The following ALDH1A3 variants were observed in gnomAD, a reference collection of about 807,000 sequenced individuals.
ALDH1A3 encodes the protein retinaldehyde dehydrogenase 3.
Under a neutral mutation model 57.5 loss-of-function variants are expected in ALDH1A3, and 28 were observed. The observed-to-expected ratio is 0.49, with a 90% CI of 0.36 to 0.67. The LOEUF (loss-of-function observed/expected upper bound fraction) is 0.67, where lower values mean the gene tolerates loss of function less well. Among genes scored for constraint, ALDH1A3 ranks in the 30% least tolerant of loss-of-function variants. ALDH1A3 has a pLI of 0.00. For synonymous variants in ALDH1A3, 281 were observed against 264.8 expected, an observed-to-expected ratio of 1.06 and a Z score of -0.59; for missense variants, 507 against 669.4, an observed-to-expected ratio of 0.76 and a Z score of 2.68.
In ALDH1A3 at chr15:100,900,850, T is replaced by C. The variant is rs4646675; in HGVS notation, c.1068+91T>C. 0.63 allele frequency: 891,103 copies of C among 1,404,988 alleles called. 284,393 individuals are homozygous for C. The highest frequency in any genetic ancestry group is 0.74 in the East Asian group (30,203 of 40,808). The allele number at this position is 1,404,988 out of a possible 1,614,324, so 87.0% of individuals were successfully genotyped here. A position where few individuals can be genotyped will look rare whatever the true frequency, so the allele number is the denominator to read the frequency against. ...CAACCGCCTACAGGGTCCCTCTCCG[T>C]GAAAGGAATGCTGACCTGTCCTGCC... On this transcript the variant is annotated intron_variant, in intron 9 of 12. Coordinates refer to ENST00000329841, the MANE Select transcript of ALDH1A3 (RefSeq NM_000693.4).
At chr15:100,908,778 G>A (rs2041852189) in intron 12 of ALDH1A3, among the ~76,000 whole-genome samples, 1 of 152,192 alleles carries the variant, frequency 6.6e-6, no homozygotes, top group Admixed American at 6.5e-5. Context: ...CCTGGACGGG[G>A]ACACAGGCAG....
chr15:100,892,936 C>T lies in ALDH1A3; in HGVS notation c.476-9C>T. On this transcript the variant is annotated splice_polypyrimidine_tract_variant and intron_variant, in intron 4 of 12. Transcript: ENST00000329841. The stretch of plus-strand genomic sequence containing the variant: ...GTGTGTCCTTCCCCACCATGTAACC[C>T]TCTTCCAGATGACAACGTCGTGTGC... 2 of 1,613,838 alleles carry T rather than the reference C, an allele frequency of 1.2e-6. No homozygotes were observed. Among genetic ancestry groups the T allele is most frequent in the Non-Finnish European group, 1.7e-6 (2 of 1,179,818 alleles).
Position 100,889,840 on chromosome 15 carries a change from A to G in ALDH1A3, c.345+2128A>G, listed in dbSNP as rs1161321345. On this transcript the variant is annotated intron_variant, in intron 3 of 12. Coordinates refer to ENST00000329841, the MANE Select transcript of ALDH1A3 (RefSeq NM_000693.4). This position sits in a 1 kb window ranked among gnomAD's most constrained non-coding sequence, Gnocchi z 5.1. ...GAGAAATAAGATCCAGCTCTTTGCC[A>G]CAACATGAAAGGGACAAGAGAATTA... Among the ~76,000 whole-genome samples the G allele has an allele frequency of 6.6e-6, 1 of 152,220 alleles. No homozygotes were observed. Among genetic ancestry groups the G allele is most frequent in the Non-Finnish European group, 1.5e-5 (1 of 68,042 alleles).
chr15:100,903,359 G>A (rs979841193), intron 9 of ALDH1A3, among the ~76,000 whole-genome samples: 42 of 152,282 alleles, frequency 2.8e-4, no homozygotes, highest in African/African-American at 9.6e-4. Context: ...AACTGGAAGA[G>A]CTCTTTATAC....
rs71151987 is a variant in ALDH1A3 at position 100,907,844 on chromosome 15, CTTTTTTTTTTT to C, written c.1392-552_1392-542del. 7.3e-5 allele frequency among the ~76,000 whole-genome samples: 6 copies of C among 81,910 alleles called. 1 individual carries two copies. The highest frequency in any genetic ancestry group is 5.9e-4 in the South Asian group (1 of 1,690). The allele number at this position is 81,910 out of a possible 152,430, so 53.7% of individuals were successfully genotyped here. A position where few individuals can be genotyped will look rare whatever the true frequency, so the allele number is the denominator to read the frequency against. ...GATTTTTCTTTTTCTTTCTTTCTTT[CTTTTTTTTTTT>C]TTTTTTTTTTTGAGATGGAGTCTTG... On this transcript the variant is annotated intron_variant, in intron 11 of 12. Coordinates refer to ENST00000329841, the MANE Select transcript of ALDH1A3 (RefSeq NM_000693.4).
At position 100,908,432 on chromosome 15, in the gene ALDH1A3, T is replaced by C. The variant is rs1180711639; in HGVS notation, c.1416T>C (p.Tyr472=). Residue 472 remains tyrosine, a synonymous_variant, in exon 12 of 13, where the codon TAT becomes TAC. Transcript: ENST00000329841. The stretch of plus-strand genomic sequence containing the variant: ...GGATCAACTGCTACAACGCCCTCTA[T>C]GCACAGGCTCCATTTGGTGGCTTTA... The part of the protein sequence containing the change: ...TVWINCYNAL[Y]AQAPFGGFKM... 4.3e-6 allele frequency: 7 copies of C among 1,613,926 alleles called. No homozygotes were observed. Among genetic ancestry groups the C allele is most frequent in the African/African-American group, 1.3e-5 (1 of 74,932 alleles).
chr15:100,908,348 G>A (rs2041846737), intron 11 of ALDH1A3, 60 bp from the exon 12 acceptor site: 1 of 1,457,058 alleles, frequency 6.9e-7, no homozygotes, highest in African/African-American at 1.4e-5. Context: ...AGTGGCTGCA[G>A]TGCCAGGAGC....
Position 100,906,247 on chromosome 15 carries a change from C to G in ALDH1A3, c.1233+560C>G, listed in dbSNP as rs1246739648. On this transcript the variant is annotated intron_variant, in intron 10 of 12. Coordinates refer to ENST00000329841, the MANE Select transcript of ALDH1A3 (RefSeq NM_000693.4). The surrounding 1 kb of genome is among the most constrained non-coding windows in gnomAD (Gnocchi z 4.8). ...CTCCCATAAGAGTGTAAATCTTTCTCTTTCAACTCCACTGTTACACTAGAC... is the reference window on the plus strand; with the variant it reads ...CTCCCATAAGAGTGTAAATCTTTCTGTTTCAACTCCACTGTTACACTAGAC... Among the ~76,000 whole-genome samples, 1 of 152,218 alleles carries G rather than the reference C, an allele frequency of 6.6e-6. No homozygotes were observed. Among genetic ancestry groups the G allele is most frequent in the African/African-American group, 2.4e-5 (1 of 41,466 alleles).
In ALDH1A3 at chr15:100,880,992, T is replaced by G. The variant is rs3825927; in HGVS notation, c.99+986T>G. 10 of 152,438 alleles carry G rather than the reference T, an allele frequency of 6.6e-5. No individual in the cohort carries two copies. The East Asian group carries it at 1.9e-3, about 29-fold the overall frequency. The allele number at this position is 152,438 out of a possible 1,614,324, so 9.4% of individuals were successfully genotyped here. ...CCATTGCCTTAACTTTCCCCACCTT[T>G]GGCTTCTCTTGATTTTTGCTTTTAC... On this transcript the variant is annotated intron_variant, in intron 1 of 12. Coordinates refer to ENST00000329841, the MANE Select transcript of ALDH1A3 (RefSeq NM_000693.4).
intron 9 of ALDH1A3, among the ~76,000 whole-genome samples, chr15:100,904,347 A>G (rs2041800626): frequency 6.6e-6 from 1 of 152,232 alleles, no homozygotes; most frequent in South Asian, 2.1e-4. Flanking sequence ...AGTGTGAGGT[A>G]TGGATCTGAG....
Position 100,905,597 on chromosome 15 carries a change from C to G in ALDH1A3, c.1143C>G (p.Cys381Trp), listed in dbSNP as rs113661159. ...SGKKEGAKLECGGSAMEDKGL... is the reference protein window; with the variant it reads ...SGKKEGAKLEWGGSAMEDKGL... ...AGAAGGAAGGGGCCAAGCTGGAATG[C>G]GGGGGCTCAGCCATGGAAGACAAGG... is the stretch of plus-strand genomic sequence containing the variant. The change falls in exon 10 of 13, where the codon TGC (cysteine) becomes TGG (tryptophan). Residue 381 changes from cysteine to tryptophan, a missense_variant. Coordinates refer to ENST00000329841, the MANE Select transcript of ALDH1A3 (RefSeq NM_000693.4). The G allele has an allele frequency of 5.0e-6, 8 of 1,613,818 alleles. No homozygotes were observed. The highest frequency in any genetic ancestry group is 6.8e-6 in the Non-Finnish European group (8 of 1,179,896).
chr15:100,891,607 C>G (rs948036303), intron 3 of ALDH1A3, among the ~76,000 whole-genome samples: 1 of 152,232 alleles, frequency 6.6e-6, no homozygotes, highest in African/African-American at 2.4e-5. Context: ...TCGGGGAGTG[C>G]GCTGGGGTTA....
rs758652233 is a variant in ALDH1A3 at position 100,905,547 on chromosome 15, A to G, written c.1093A>G (p.Ile365Val). 1.9e-5 allele frequency: 30 copies of G among 1,614,196 alleles called. No homozygotes were observed. The highest frequency in any genetic ancestry group is 2.5e-5 in the Non-Finnish European group (29 of 1,180,024). Residue 365 changes from isoleucine to valine, a missense_variant, in exon 10 of 13, where the codon ATC (isoleucine) becomes GTC (valine). Physicochemically the swap from Ile to Val is conservative, Grantham distance 29. Around this residue, in one of 2 missense-constraint regions of ALDH1A3, gnomAD observed 432 missense variants for 608.4 expected, o/e 0.71. Coordinates refer to ENST00000329841, the MANE Select transcript of ALDH1A3 (RefSeq NM_000693.4). The part of the protein sequence containing the change: ...PQIDQKQFDK[I>V]LELIESGKKE... ...GATTGATCAAAAGCAGTTCGACAAAATCTTAGAGCTGATCGAGAGTGGGAA... is the reference window on the plus strand; with the variant it reads ...GATTGATCAAAAGCAGTTCGACAAAGTCTTAGAGCTGATCGAGAGTGGGAA...
At chr15:100,880,961 C>G (rs2041542291) in intron 1 of ALDH1A3, 1 of 152,298 alleles carries the variant, frequency 6.6e-6, no homozygotes, top group South Asian at 2.1e-4. Flanking sequence ...CAGGCCAGGC[C>G]GAGAGCCATT....
chr15:100,892,400 A>G, intron 3 of ALDH1A3, 110 bp from the exon 4 acceptor site: 1 of 1,458,148 alleles, frequency 6.9e-7, no homozygotes, highest in South Asian at 1.3e-5. Flanking sequence ...TGAGGTCTAC[A>G]GAGCAATGTC....
At chr15:100,896,384 C>T (rs928519341) in intron 7 of ALDH1A3, among the ~76,000 whole-genome samples, 11 of 151,604 alleles carry the variant, frequency 7.3e-5, no homozygotes, top group Admixed American at 2.6e-4. Context: ...AATTTATATC[C>T]GTCATATGCA....
At chr15:100,888,217 G>T (rs911139065) in intron 3 of ALDH1A3, among the ~76,000 whole-genome samples, 1 of 152,224 alleles carries the variant, frequency 6.6e-6, no homozygotes, top group East Asian at 1.9e-4. Context: ...TCTTGCCTCA[G>T]CCTCCTGAGT....
chr15:100,910,707 T>C (rs1268211914), intron 12 of ALDH1A3, among the ~76,000 whole-genome samples: 1 of 152,206 alleles, frequency 6.6e-6, no homozygotes, highest in Non-Finnish European at 1.5e-5. Context: ...AGGGTTTGCG[T>C]GGTCATTTGT....
At chr15:100,890,103 G>A (rs563534658) in intron 3 of ALDH1A3, among the ~76,000 whole-genome samples, 3 of 152,242 alleles carry the variant, frequency 2.0e-5, no homozygotes, top group South Asian at 2.1e-4. Flanking sequence ...CTCTTTGGGC[G>A]CTCATTTTGG....
Sources: allele counts gnomAD v4.1 joint callset (sites outside exome capture counted in the v4.1 genomes callset), GRCh38; gene constraint gnomAD v4.1.1; regional missense constraint gnomAD v4.1.1; non-coding constraint Gnocchi (gnomAD v3.1); transcripts MANE v1.5; gene names NCBI Gene and HGNC (gene_info 2026-07-23, HGNC 2026-07-21).